The following TBC1D14 variants were observed in gnomAD, a reference collection of about 807,000 sequenced individuals.
TBC1D14 encodes TBC1 domain family, member 14.
In TBC1D14, 26 loss-of-function variants were observed where a neutral mutation model predicts 79.0. The ratio of observed to expected loss-of-function variants is 0.33; its 90% CI spans 0.24 to 0.46. The LOEUF is 0.46. TBC1D14 is among the 20% of genes least tolerant of loss of function. TBC1D14 has a pLI of 1.00. For missense variants in TBC1D14, 769 were observed against 887.6 expected (o/e 0.87, Z 1.70); for synonymous variants, 394 against 349.9 (o/e 1.13, Z -1.40).
chr4:6,918,154 A>G (rs1343583534), intron 1 of TBC1D14, among the ~76,000 whole-genome samples: 1 of 152,166 alleles, frequency 6.6e-6, no homozygotes, highest in African/African-American at 2.4e-5. Context: ...TTAAAGCCAG[A>G]TGGCTTTGGG....
intron 3 of TBC1D14, among the ~76,000 whole-genome samples, chr4:6,977,910 A>G (rs1411413392): frequency 1.5e-4 from 23 of 149,680 alleles, no homozygotes; most frequent in African/African-American, 5.7e-4. Flanking sequence ...CTGGGATGTG[A>G]GGAGCGTCTC....
intron 2 of TBC1D14, among the ~76,000 whole-genome samples, chr4:6,966,241 T>C (rs1034244687): frequency 2.0e-5 from 3 of 152,252 alleles, no homozygotes; most frequent in African/African-American, 4.8e-5. Flanking sequence ...ACTTTCTTTC[T>C]AGTCCAGCAA....
chr4:6,968,688 C>T (rs28404792), intron 3 of TBC1D14, among the ~76,000 whole-genome samples: 46,811 of 144,286 alleles, frequency 0.32, 8,167 homozygotes, highest in Admixed American at 0.38. Context: ...GGAGGCTGAC[C>T]GCCGAGAGGA....
chr4:6,923,890 C>T lies in TBC1D14; in HGVS notation c.501C>T (p.Ser167=). ...TGTCCAGTCTTGGGACAGAGCTGTC[C>T]ACCACGCTGTCCGTCAGCAATGAGG... ...CSVSSLGTEL[S]TTLSVSNEDI... Residue 167 remains serine (S), a synonymous_variant, in exon 2 of 14, where the codon TCC becomes TCT. Coordinates refer to ENST00000409757, the MANE Select transcript of TBC1D14 (RefSeq NM_020773.3). 6.2e-7 allele frequency: 1 copy of T among 1,614,152 alleles called. No individual in the cohort carries two copies. Among genetic ancestry groups the T allele is most frequent in the Non-Finnish European group, 8.5e-7 (1 of 1,180,040 alleles).
At chr4:6,942,641 T>C (rs1713018392) in intron 2 of TBC1D14, among the ~76,000 whole-genome samples, 1 of 152,206 alleles carries the variant, frequency 6.6e-6, no homozygotes, top group African/African-American at 2.4e-5. Flanking sequence ...AGGTTTCAGA[T>C]CTGGGTGTTA....
rs748661475 is a variant in TBC1D14, at chr4:7,030,339, T to G, written c.2029T>G (p.Leu677Val). ...NKKWAQVLTA[L>V]QKDSREMEKG... ...CTGTGACTTCTAGGTACTGACTGCA[T>G]TGCAGAAAGACAGCCGGGAAATGGA... The change falls in exon 14 of 14, where the codon TTG becomes GTG. Residue 677 changes from leucine to valine, a missense_variant. Physicochemically the swap from Leu to Val is conservative, Grantham distance 32. Coordinates refer to ENST00000409757, the MANE Select transcript of TBC1D14 (RefSeq NM_020773.3). The G allele has an allele frequency of 5.6e-6, 9 of 1,613,962 alleles. No individual in the cohort carries two copies. The highest frequency in any genetic ancestry group is 5.9e-6 in the Non-Finnish European group (7 of 1,179,862).
intron 8 of TBC1D14, 78 bp downstream of exon 8, chr4:7,005,002 G>A (rs1720033285): frequency 5.4e-6 from 7 of 1,284,928 alleles, no homozygotes; most frequent in South Asian, 2.4e-5. Context: ...GAAGAAAGTT[G>A]ACGTTAACTA....
Position 7,025,096 on chromosome 4 carries a change from G to T in TBC1D14, c.1850G>T (p.Arg617Leu). The change falls in exon 13 of 14, where the codon CGC (arginine) becomes CTC (leucine). Residue 617 changes from arginine to leucine, a missense_variant. Physicochemically the swap from Arg to Leu is moderately radical, Grantham distance 102. Transcript: ENST00000409757. ...FCRDGEEFLF[R>L]TALGILKLFE... ...CGCGATGGGGAAGAGTTCCTGTTCC[G>T]CACGGCCCTGGGCATCCTGAAGCTG... The T allele has an allele frequency of 1.2e-6, 2 of 1,614,170 alleles. No homozygotes were observed. The highest frequency in any genetic ancestry group is 1.1e-5 in the South Asian group (1 of 91,088).
intron 8 of TBC1D14, 45 bp from the exon 9 acceptor site, chr4:7,006,586 AT>A (rs1560339840): frequency 6.4e-7 from 1 of 1,558,180 alleles, no homozygotes; most frequent in Non-Finnish European, 8.8e-7. Context: ...ATTGTCCTAC[AT>A]TCGTGCCCTT....
rs1033404552 is a variant in TBC1D14, at chr4:6,999,081, C to G, written c.1046-4C>G. ...TTGTTGTTTTTCTAAATTGTGATTTCTAGAGCTGAAAGAAGCCCAGCGAAG... is the reference window on the plus strand; with the variant it reads ...TTGTTGTTTTTCTAAATTGTGATTTGTAGAGCTGAAAGAAGCCCAGCGAAG... On this transcript the variant is annotated splice_region_variant and splice_polypyrimidine_tract_variant and intron_variant, in intron 5 of 13. Transcript: ENST00000409757. 23 of 1,613,632 alleles carry G rather than the reference C, an allele frequency of 1.4e-5. No individual in the cohort carries two copies. The highest frequency in any genetic ancestry group is 2.7e-5 in the African/African-American group (2 of 74,896).
chr4:6,988,274 A>T (rs76769526), intron 3 of TBC1D14, among the ~76,000 whole-genome samples: 285 of 152,350 alleles, frequency 1.9e-3, no homozygotes, highest in Non-Finnish European at 3.5e-3. Flanking sequence ...CTTAGAGTGG[A>T]ATGTTGTGAA....
At chr4:7,005,443 G>A (rs1265591565) in intron 8 of TBC1D14, among the ~76,000 whole-genome samples, 1 of 152,206 alleles carries the variant, frequency 6.6e-6, no homozygotes, top group African/African-American at 2.4e-5. Context: ...GCCGAGGCAG[G>A]AGAATCACTT....
intron 3 of TBC1D14, chr4:6,987,399 G>T: frequency 7.3e-7 from 1 of 1,373,764 alleles, no homozygotes; most frequent in Non-Finnish European, 9.5e-7. Flanking sequence ...AGGCCTGCCC[G>T]GTCCCGTGGG....
chr4:7,010,075 C>G, intron 10 of TBC1D14, 127 bp downstream of exon 10: 1 of 1,041,636 alleles, frequency 9.6e-7, no homozygotes, highest in Non-Finnish European at 1.5e-6. Context: ...TGAAAAGTCT[C>G]GTGGTAAGTG....
At chr4:7,007,036 C>T (rs1224384769) in intron 9 of TBC1D14, among the ~76,000 whole-genome samples, 5 of 152,152 alleles carry the variant, frequency 3.3e-5, no homozygotes, top group Non-Finnish European at 7.3e-5. Context: ...TCTGCTGGCG[C>T]TTTCTTGGAC....
intron 2 of TBC1D14, among the ~76,000 whole-genome samples, chr4:6,937,338 G>A: frequency 1.3e-5 from 2 of 152,334 alleles, no homozygotes; most frequent in Non-Finnish European, 2.9e-5. Flanking sequence ...TCAGTGTCTG[G>A]TGAGCTGTTG....
chr4:7,027,422 C>T (rs1179720419), intron 13 of TBC1D14, among the ~76,000 whole-genome samples: 3 of 125,262 alleles, frequency 2.4e-5, no homozygotes, highest in Non-Finnish European at 5.0e-5. Context: ...CACACACCTA[C>T]ACATACACAG....
chr4:6,939,048 C>G (rs1180553331), intron 2 of TBC1D14, among the ~76,000 whole-genome samples: 1 of 152,200 alleles, frequency 6.6e-6, no homozygotes, highest in Non-Finnish European at 1.5e-5. Context: ...GAAACCCTCT[C>G]CGGCTCAGCC....
At chr4:6,987,910 C>T (rs2109124193) in intron 3 of TBC1D14, among the ~76,000 whole-genome samples, 1 of 152,358 alleles carries the variant, frequency 6.6e-6, no homozygotes, top group South Asian at 2.1e-4. Flanking sequence ...AAAAGGACTC[C>T]TGAGAGTGCT....
Sources: gnomAD v4.1 joint callset for allele counts (sites outside exome capture counted in the v4.1 genomes callset) on GRCh38, gnomAD v4.1.1 for gene constraint, MANE v1.5 for transcripts, NCBI Gene and HGNC (gene_info 2026-07-23, HGNC 2026-07-21) for gene names.